The following PLPPR4 variants were observed in gnomAD, a reference collection of about 807,000 sequenced individuals.
The protein encoded by PLPPR4 is phospholipid phosphatase-related protein type 4.
In PLPPR4, 24 loss-of-function variants were observed where a neutral mutation model predicts 56.6. That is an observed-to-expected ratio of 0.42 (90% confidence interval 0.31 to 0.60). The LOEUF (loss-of-function observed/expected upper bound fraction) is 0.60, where lower values mean the gene tolerates loss of function less well. PLPPR4 is among the 20% of genes least tolerant of loss of function. The pLI, the probability that PLPPR4 is intolerant of heterozygous loss-of-function variation, is 0.13. For missense variants in PLPPR4, 654 were observed against 885.8 expected (o/e 0.74, Z 3.32); for synonymous variants, 326 against 328.1 (o/e 0.99, Z 0.07).
chr1:99,266,791 CT>C (rs1021836881), intron 1 of PLPPR4, among the ~76,000 whole-genome samples: 11 of 152,194 alleles, frequency 7.2e-5, no homozygotes, highest in African/African-American at 2.4e-4. Context: ...ACTAAAGAGC[CT>C]CCAGAAAATG....
At chr1:99,292,495 G>A (rs1487318856) in intron 2 of PLPPR4, among the ~76,000 whole-genome samples, 2 of 152,168 alleles carry the variant, frequency 1.3e-5, no homozygotes, top group South Asian at 2.1e-4. Flanking sequence ...CTTCCAGAAA[G>A]GTGCCACTCA....
rs1273436863 is a variant in PLPPR4, at chr1:99,288,109, C to T, written c.223C>T (p.Leu75Phe). ...IEPTQEAIPF[L>F]MLLSLAFAGP... The stretch of plus-strand genomic sequence containing the variant: ...ACCAACCCAGGAGGCAATTCCATTC[C>T]TCATGTTGCTTAGCTTGGCTTTTGC... Residue 75 changes from leucine (L) to phenylalanine (F), a missense_variant, in exon 2 of 7, where the codon CTC becomes TTC. Physicochemically the swap from Leu to Phe is conservative, Grantham distance 22 (BLOSUM62 0). Transcript: ENST00000370185. 3.1e-6 allele frequency: 5 copies of T among 1,613,654 alleles called. No individual in the cohort carries two copies. Among genetic ancestry groups the T allele is most frequent in the South Asian group, 2.2e-5 (2 of 91,002 alleles).
intron 6 of PLPPR4, among the ~76,000 whole-genome samples, chr1:99,302,511 TA>T (rs1445405355): frequency 5.5e-4 from 16 of 28,938 alleles, no homozygotes; most frequent in Non-Finnish European, 7.7e-4. Flanking sequence ...TTCTTTTTTT[TA>T]TTATTATTAT....
intron 1 of PLPPR4, among the ~76,000 whole-genome samples, chr1:99,278,290 A>G (rs1659242489): frequency 6.6e-6 from 1 of 151,986 alleles, no homozygotes; most frequent in Admixed American, 6.6e-5. Context: ...AACCTCATAC[A>G]AATCATGTAA....
At chr1:99,282,746 A>G (rs983051712) in intron 1 of PLPPR4, among the ~76,000 whole-genome samples, 4 of 151,674 alleles carry the variant, frequency 2.6e-5, no homozygotes, top group Non-Finnish European at 4.4e-5. Context: ...ATTTTGTATC[A>G]CTTCCTCCTT....
chr1:99,268,004 A>C (rs1234471079), intron 1 of PLPPR4, among the ~76,000 whole-genome samples: 2 of 152,218 alleles, frequency 1.3e-5, no homozygotes, highest in Non-Finnish European at 2.9e-5. Flanking sequence ...AAACTCATAA[A>C]AGTTAAACAA....
chr1:99,279,130 G>T (rs896222555), intron 1 of PLPPR4, among the ~76,000 whole-genome samples: 1 of 152,164 alleles, frequency 6.6e-6, no homozygotes, highest in African/African-American at 2.4e-5. Flanking sequence ...GGGACACCTA[G>T]TATGTCAGGG....
Position 99,307,043 on chromosome 1 carries a change from A to T in PLPPR4, c.*33A>T, listed in dbSNP as rs1160460112. 1.9e-6 allele frequency: 3 copies of T among 1,548,194 alleles called. No homozygotes were observed. Among genetic ancestry groups the T allele is most frequent in the Non-Finnish European group, 2.6e-6 (3 of 1,154,364 alleles). On this transcript the variant is annotated 3_prime_UTR_variant, in exon 7 of 7. Transcript: ENST00000370185. Reference sequence around the variant, plus strand: ...CCATTCCATCATTAGGGCTACTCGCAAAAGACCATATGTTGATTCTACCTG... The same window carrying T: ...CCATTCCATCATTAGGGCTACTCGCTAAAGACCATATGTTGATTCTACCTG...
chr1:99,304,803 G>A (rs1188092612), intron 6 of PLPPR4, among the ~76,000 whole-genome samples: 3 of 152,032 alleles, frequency 2.0e-5, no homozygotes, highest in Non-Finnish European at 4.4e-5. Context: ...CACACAAACA[G>A]GTGTCTGCTG....
rs1235057770 is a variant in PLPPR4, at chr1:99,306,488, A to G, written c.1626A>G (p.Gln542=). 10 of 1,614,158 alleles carry G rather than the reference A, an allele frequency of 6.2e-6. No individual in the cohort carries two copies. The highest frequency in any genetic ancestry group is 1.7e-5 in the Admixed American group (1 of 60,022). ...TGTCCAAGCAGCAGGGTGTCCTCCA[A>G]AGCAGCCCCAAGAACACTGAAGGCA... The part of the protein sequence containing the change: ...IAMSKQQGVL[Q]SSPKNTEGST... The change falls in exon 7 of 7, where the codon CAA becomes CAG. Residue 542 remains glutamine, a synonymous_variant. Transcript: ENST00000370185. This position sits in a 1 kb window ranked among gnomAD's most constrained non-coding sequence, Gnocchi z 4.0.
intron 2 of PLPPR4, among the ~76,000 whole-genome samples, chr1:99,294,606 G>C (rs751216378): frequency 1.3e-4 from 19 of 150,126 alleles, no homozygotes; most frequent in Non-Finnish European, 2.4e-4. Flanking sequence ...TGAGGCGGGA[G>C]AATGGCTTGA....
chr1:99,294,348 A>G (rs1381005495), intron 2 of PLPPR4, among the ~76,000 whole-genome samples: 2 of 152,188 alleles, frequency 1.3e-5, no homozygotes, highest in Non-Finnish European at 2.9e-5. Context: ...CTAGACAAAT[A>G]AGTATTGATG....
chr1:99,303,541 G>A (rs771983358), intron 6 of PLPPR4, among the ~76,000 whole-genome samples: 9 of 152,140 alleles, frequency 5.9e-5, no homozygotes, highest in South Asian at 2.1e-4. Flanking sequence ...AGTGACATGC[G>A]GAGGAAAAGG....
At chr1:99,269,858 A>T (rs1474704069) in intron 1 of PLPPR4, among the ~76,000 whole-genome samples, 2 of 152,354 alleles carry the variant, frequency 1.3e-5, no homozygotes, top group African/African-American at 4.8e-5. Flanking sequence ...ACTTCTGTGC[A>T]TAGGTATGTA....
At chr1:99,264,775 G>C in intron 1 of PLPPR4, 104 bp downstream of exon 1, 2 of 1,289,494 alleles carry the variant, frequency 1.6e-6, no homozygotes, top group Non-Finnish European at 2.2e-6. Context: ...TGCCGGGCGC[G>C]CGCGGCTGTC....
Position 99,306,514 on chromosome 1 carries a change from G to A in PLPPR4, c.1652G>A (p.Ser551Asn), listed in dbSNP as rs371306089. The change falls in exon 7 of 7, where the codon AGC becomes AAC. Residue 551 changes from serine (S) to asparagine (N), a missense_variant. Ser to Asn is a conservative substitution (Grantham distance 46). Transcript: ENST00000370185. This position sits in a 1 kb window ranked among gnomAD's most constrained non-coding sequence, Gnocchi z 4.0. Reference sequence around the variant, plus strand: ...AGCAGCCCCAAGAACACTGAAGGCAGCACGGTCTCCTGCACTGGCTCCATC... The same window carrying A: ...AGCAGCCCCAAGAACACTGAAGGCAACACGGTCTCCTGCACTGGCTCCATC... ...LQSSPKNTEGSTVSCTGSIRY... is the reference protein window; with the variant it reads ...LQSSPKNTEGNTVSCTGSIRY... 43 of 1,614,066 alleles carry A rather than the reference G, an allele frequency of 2.7e-5. No homozygotes were observed. Among genetic ancestry groups the A allele is most frequent in the Middle Eastern group, 1.6e-4 (1 of 6,082 alleles).
At chr1:99,304,893 G>T (rs1022822898) in intron 6 of PLPPR4, among the ~76,000 whole-genome samples, 4 of 152,048 alleles carry the variant, frequency 2.6e-5, no homozygotes, top group Non-Finnish European at 5.9e-5. Context: ...TGCCAAAAGG[G>T]TAATGATTTT....
At chr1:99,300,998 G>T in intron 5 of PLPPR4, 32 bp downstream of exon 5, 1 of 1,584,738 alleles carries the variant, frequency 6.3e-7, no homozygotes, top group Non-Finnish European at 8.7e-7. Context: ...GTTAAGTTGT[G>T]TTCTACAGAA....
At chr1:99,267,528 A>G (rs1658932928) in intron 1 of PLPPR4, among the ~76,000 whole-genome samples, 1 of 152,246 alleles carries the variant, frequency 6.6e-6, no homozygotes, top group African/African-American at 2.4e-5. Flanking sequence ...ATTCATACAT[A>G]AGAGAAATTA....
Sources: allele counts gnomAD v4.1 joint callset (sites outside exome capture counted in the v4.1 genomes callset), GRCh38; gene constraint gnomAD v4.1.1; non-coding constraint Gnocchi (gnomAD v3.1); transcripts MANE v1.5; gene names NCBI Gene and HGNC (gene_info 2026-07-23, HGNC 2026-07-21).